PRKG1: variants seen among roughly 807,000 people sequenced by gnomAD.
PRKG1 encodes protein kinase cGMP-dependent 1, also known as cGMP-dependent protein kinase 1.
A neutral mutation model predicts 88.1 loss-of-function variants in PRKG1; 35 were observed. The observed-to-expected ratio is 0.40, with a 90% CI of 0.30 to 0.53. PRKG1 has a LOEUF of 0.53. Ranked by LOEUF, PRKG1 falls within the 20% of genes least tolerant of loss-of-function variation. The pLI, the probability that PRKG1 is intolerant of heterozygous loss-of-function variation, is 0.59. For missense variants in PRKG1, 540 were observed against 839.8 expected (o/e 0.64, Z 4.41); for synonymous variants, 303 against 292.5 (o/e 1.04, Z -0.37).
chr10:51,945,590 G>A (rs1337508141), intron 5 of PRKG1, among the ~76,000 whole-genome samples: 1 of 151,922 alleles, frequency 6.6e-6, no homozygotes, highest in Non-Finnish European at 1.5e-5. Context: ...GCAGTGGCTG[G>A]TATGGGTTGT....
intron 5 of PRKG1, among the ~76,000 whole-genome samples, chr10:52,037,270 C>T (rs1436479513): frequency 1.3e-5 from 2 of 152,138 alleles, no homozygotes; most frequent in Non-Finnish European, 2.9e-5. Context: ...CTGGCCGCTG[C>T]GGTTCAGGCA....
chr10:51,912,984 A>G (rs1374580817), intron 5 of PRKG1, among the ~76,000 whole-genome samples: 2 of 152,148 alleles, frequency 1.3e-5, no homozygotes, highest in Non-Finnish European at 2.9e-5. Flanking sequence ...GCTGGAGTGT[A>G]GTGGTGCGAT....
intron 5 of PRKG1, among the ~76,000 whole-genome samples, chr10:52,054,003 A>G (rs1846050211): frequency 6.6e-6 from 1 of 152,216 alleles, no homozygotes; most frequent in South Asian, 2.1e-4. Flanking sequence ...AAACTCAATG[A>G]GAATGACAAA....
At chr10:51,204,602 C>T (rs1837999429) in intron 2 of PRKG1, among the ~76,000 whole-genome samples, 2 of 152,128 alleles carry the variant, frequency 1.3e-5, no homozygotes, top group East Asian at 1.9e-4. Context: ...TAATTATTTC[C>T]GCAGGTCAAA....
chr10:51,818,662 C>T (rs1839655853), intron 4 of PRKG1, among the ~76,000 whole-genome samples: 1 of 152,138 alleles, frequency 6.6e-6, no homozygotes, highest in Non-Finnish European at 1.5e-5. Flanking sequence ...TACATATTCT[C>T]TCTTCAGTAC....
chr10:51,810,598 C>A (rs1367653331), intron 4 of PRKG1, among the ~76,000 whole-genome samples: 1 of 152,146 alleles, frequency 6.6e-6, no homozygotes, highest in Non-Finnish European at 1.5e-5. Context: ...TCCACATGTG[C>A]TTTTCCCTTA....
chr10:51,038,667 C>CT (rs1458997611), intron 1 of PRKG1, among the ~76,000 whole-genome samples: 1 of 152,288 alleles, frequency 6.6e-6, no homozygotes, highest in Non-Finnish European at 1.5e-5. Context: ...GGATCTTGCT[C>CT]TTTTTTATGG....
At chr10:52,157,810 T>C (rs890683349) in intron 8 of PRKG1, among the ~76,000 whole-genome samples, 9 of 151,502 alleles carry the variant, frequency 5.9e-5, no homozygotes, top group African/African-American at 2.2e-4. Context: ...TCTTCCTTCC[T>C]CTTTCCTTTC....
At chr10:51,411,483 A>C (rs879242155) in intron 2 of PRKG1, among the ~76,000 whole-genome samples, 5 of 152,174 alleles carry the variant, frequency 3.3e-5, no homozygotes, top group Admixed American at 6.5e-5. Flanking sequence ...GTATGTGTCA[A>C]TTTGTATGTG....
At chr10:51,438,247 GT>G (rs1407568967) in intron 2 of PRKG1, among the ~76,000 whole-genome samples, 3 of 151,566 alleles carry the variant, frequency 2.0e-5, no homozygotes, top group African/African-American at 7.3e-5. Context: ...CCCACAATCA[GT>G]TTCCCCTGTA....
chr10:51,356,874 T>C (rs1405073709), intron 2 of PRKG1, among the ~76,000 whole-genome samples: 2 of 152,008 alleles, frequency 1.3e-5, no homozygotes, highest in African/African-American at 4.8e-5. Flanking sequence ...TGGTTTATAA[T>C]TGGGAATTTT....
Position 51,095,097 on chromosome 10 carries a change from C to G in PRKG1, c.311+20196C>G, listed in dbSNP as rs865931894. Among the ~76,000 whole-genome samples, 19 of 152,076 alleles carry G rather than the reference C, an allele frequency of 1.2e-4. 1 individual carries two copies. Among genetic ancestry groups the G allele is most frequent in the Non-Finnish European group, 2.6e-4 (18 of 68,000 alleles). ...GCTATAAAAGTTGCAAAATGTACCC[C>G]CTTCATTATACAATTAATGACAAAG... On this transcript the variant is annotated intron_variant, in intron 1 of 17. Coordinates refer to ENST00000373980, the MANE Select transcript of PRKG1 (RefSeq NM_006258.4).
chr10:51,366,241 GC>G (rs1842588171), intron 2 of PRKG1, among the ~76,000 whole-genome samples: 1 of 151,872 alleles, frequency 6.6e-6, no homozygotes, highest in Non-Finnish European at 1.5e-5. Flanking sequence ...TGGAAACCTG[GC>G]AGTGCTTTTG....
intron 2 of PRKG1, among the ~76,000 whole-genome samples, chr10:51,186,161 T>C (rs1193822273): frequency 6.6e-6 from 1 of 151,972 alleles, no homozygotes; most frequent in Non-Finnish European, 1.5e-5. Flanking sequence ...TGTAATTTTC[T>C]GGTTGTCTTC....
chr10:51,571,017 A>T (rs756182883), intron 3 of PRKG1, among the ~76,000 whole-genome samples: 1 of 151,916 alleles, frequency 6.6e-6, no homozygotes, highest in Non-Finnish European at 1.5e-5. Context: ...TTCCTTACAC[A>T]AGTTCTGTGG....
chr10:51,288,730 T>A (rs2879558), intron 2 of PRKG1, among the ~76,000 whole-genome samples: 36,831 of 151,920 alleles, frequency 0.24, 6,702 homozygotes, highest in African/African-American at 0.52. Context: ...ATTACAAAAA[T>A]GAATAATACT....
At chr10:51,530,228 C>T (rs544182608) in intron 3 of PRKG1, among the ~76,000 whole-genome samples, 2 of 152,214 alleles carry the variant, frequency 1.3e-5, no homozygotes, top group Non-Finnish European at 2.9e-5. Flanking sequence ...ATAAGAATAT[C>T]ATTATTTATC....
intron 2 of PRKG1, among the ~76,000 whole-genome samples, chr10:51,186,954 TTATA>T (rs3061211): frequency 0.061 from 8,013 of 131,112 alleles, 281 homozygotes; most frequent in Middle Eastern, 0.096. Context: ...AGGCCCTGTG[TTATA>T]TATATATATA....
At chr10:51,681,078 A>G (rs1453405241) in intron 3 of PRKG1, among the ~76,000 whole-genome samples, 1 of 152,204 alleles carries the variant, frequency 6.6e-6, no homozygotes, top group Admixed American at 6.5e-5. Context: ...TGATCCATTT[A>G]TGGTTTTGAA....
Sources: gnomAD v4.1 joint callset for allele counts (sites outside exome capture counted in the v4.1 genomes callset) on GRCh38, gnomAD v4.1.1 for gene constraint, MANE v1.5 for transcripts, NCBI Gene and HGNC (gene_info 2026-07-23, HGNC 2026-07-21) for gene names.